The following RSPO4 variants were observed in gnomAD, a reference collection of about 807,000 sequenced individuals.
The protein encoded by RSPO4 is R-spondin-4.
In RSPO4, 23 loss-of-function variants were observed where a neutral mutation model predicts 24.8. That is an observed-to-expected ratio of 0.93 (90% CI 0.67 to 1.31). RSPO4 has a LOEUF of 1.31. Ranked by LOEUF, RSPO4 falls within the 40% of genes most tolerant of loss-of-function variation. The probability of loss-of-function intolerance (pLI) is 0.00; values close to 1 mark genes in which losing one functional copy is unlikely to be tolerated. For synonymous variants in RSPO4, 141 were observed against 127.4 expected (o/e 1.11, Z -0.72); for missense variants, 333 against 316.5 (o/e 1.05, Z -0.39).
intron 1 of RSPO4, among the ~76,000 whole-genome samples, chr20:999,765 C>T (rs943204466): frequency 4.6e-5 from 7 of 151,758 alleles, no homozygotes; most frequent in Non-Finnish European, 7.4e-5. Flanking sequence ...GTAGATGGGG[C>T]GGGGGGCAAA....
chr20:975,225 G>A (rs1024393816), intron 1 of RSPO4, among the ~76,000 whole-genome samples: 1 of 152,158 alleles, frequency 6.6e-6, no homozygotes, highest in African/African-American at 2.4e-5. Context: ...GTGCTCCAGG[G>A]GACACTGAGG....
rs1182811912 is a variant in RSPO4, at chr20:1,002,297, C to T, written c.-133G>A. 6.2e-6 allele frequency: 2 copies of T among 322,304 alleles called. No homozygotes were observed. Among genetic ancestry groups the T allele is most frequent in the African/African-American group, 2.2e-5 (1 of 44,980 alleles). 20.0% of individuals were successfully genotyped at this position (322,304 alleles called of 1,614,324 possible). A position where few individuals can be genotyped will look rare whatever the true frequency, so the allele number is the denominator to read the frequency against. ...GCGCATCCGCCAGGCGCGGGTCGGT[C>T]CGGCCGCCAGGTCTAGTGAGGGCGT... is the stretch of plus-strand genomic sequence containing the variant. On this transcript the variant is annotated 5_prime_UTR_variant, in exon 1 of 5. Coordinates refer to ENST00000217260, the MANE Select transcript of RSPO4 (RefSeq NM_001029871.4). This position sits in a 1 kb window ranked among gnomAD's most constrained non-coding sequence, Gnocchi z 4.6.
rs543729737 is a variant in RSPO4 at position 998,121 on chromosome 20, G to A, written c.79+3965C>T. Among the ~76,000 whole-genome samples the A allele has an allele frequency of 7.2e-5, 11 of 152,288 alleles. No individual in the cohort carries two copies. The East Asian group carries it at 2.1e-3, about 29-fold the overall frequency. ...GGCCTGCTTAATGTCACATATCTAGGGCAGGAGAGGGCTCAAGGTTTGATC... is the reference window on the plus strand; with the variant it reads ...GGCCTGCTTAATGTCACATATCTAGAGCAGGAGAGGGCTCAAGGTTTGATC... On this transcript the variant is annotated intron_variant, in intron 1 of 4. Transcript: ENST00000217260.
Position 959,996 on chromosome 20 carries a change from G to C in RSPO4, c.*361C>G, listed in dbSNP as rs910310931. ...CTGCAGGGGAGGGCACAGGCTCATG[G>C]TCCCTCTTAAAGTGTGTGTGAGAGG... On this transcript the variant is annotated 3_prime_UTR_variant, in exon 5 of 5. Transcript: ENST00000217260. 1.0e-5 allele frequency: 3 copies of C among 289,720 alleles called. No homozygotes were observed. The Admixed American group carries it at 1.5e-4, about 14-fold the overall frequency. The allele number at this position is 289,720 out of a possible 1,614,324, so 17.9% of individuals were successfully genotyped here.
chr20:964,076 G>C lies in RSPO4; in HGVS notation c.454C>G (p.His152Asp). Residue 152 changes from histidine (H) to aspartate (D), a missense_variant, in exon 4 of 5, where the codon CAC (histidine) becomes GAC (aspartate). Physicochemically the swap from His to Asp is moderately conservative, Grantham distance 81. Transcript: ENST00000217260. ...GPWGGWSPCT[H>D]NGKTCGSAWG... Reference sequence around the variant, plus strand: ...GCCGAGCCGCAGGTCTTTCCATTGTGTGTGCAGGGGCTCCAGCCGCCCCAG... The same window carrying C: ...GCCGAGCCGCAGGTCTTTCCATTGTCTGTGCAGGGGCTCCAGCCGCCCCAG... 1 of 1,613,774 alleles carries C rather than the reference G, an allele frequency of 6.2e-7. No individual in the cohort carries two copies. Among genetic ancestry groups the C allele is most frequent in the African/African-American group, 1.3e-5 (1 of 75,062 alleles).
chr20:990,574 CTT>C (rs1985068723), intron 1 of RSPO4, among the ~76,000 whole-genome samples: 1 of 150,662 alleles, frequency 6.6e-6, no homozygotes, highest in Non-Finnish European at 1.5e-5. Context: ...CTCTCTCTCT[CTT>C]TCCCTCTCTC....
Position 964,256 on chromosome 20 carries a change from A to G in RSPO4, c.410-136T>C. On this transcript the variant is annotated intron_variant, in intron 3 of 4. Transcript: ENST00000217260. ...GACACCACTTCCACCTGCTAGGAGC[A>G]GAGTTATTTATAAGAGCCTGGAATG... 3 of 663,834 alleles carry G rather than the reference A, an allele frequency of 4.5e-6. No individual in the cohort carries two copies. The South Asian group carries it at 5.8e-5, about 13-fold the overall frequency. The allele number at this position is 663,834 out of a possible 1,614,324, so 41.1% of individuals were successfully genotyped here.
chr20:977,335 T>C (rs1008192993), intron 1 of RSPO4, among the ~76,000 whole-genome samples: 1 of 152,136 alleles, frequency 6.6e-6, no homozygotes, highest in African/African-American at 2.4e-5. Context: ...GCCAGACTGG[T>C]TGGATTGAAA....
chr20:999,520 A>G (rs1985398195), intron 1 of RSPO4, among the ~76,000 whole-genome samples: 1 of 152,006 alleles, frequency 6.6e-6, no homozygotes, highest in African/African-American at 2.4e-5. Context: ...GAGAAAATCC[A>G]CTCACCCAAG....
rs1403468043 is a variant in RSPO4 at position 959,710 on chromosome 20, A to T, written c.*647T>A. 1 of 152,364 alleles carries T rather than the reference A, an allele frequency of 6.6e-6. No individual in the cohort carries two copies. The highest frequency in any genetic ancestry group is 1.9e-4 in the East Asian group (1 of 5,184). 9.4% of individuals were successfully genotyped at this position (152,364 alleles called of 1,614,324 possible). ...GAGGTGTCCAAGCCAGGCCTCTGGA[A>T]GCCCTGGAGCCTTGTCCAGCCAGCT... On this transcript the variant is annotated 3_prime_UTR_variant, in exon 5 of 5. Coordinates refer to ENST00000217260, the MANE Select transcript of RSPO4 (RefSeq NM_001029871.4).
At position 964,839 on chromosome 20, in the gene RSPO4, T is replaced by C. The variant is rs942694559; in HGVS notation, c.410-719A>G. On this transcript the variant is annotated intron_variant, in intron 3 of 4. Transcript: ENST00000217260. The stretch of plus-strand genomic sequence containing the variant: ...ACACACACACACACACACATATATA[T>C]ATATATATACTTTGATTATTTTAAA... Among the ~76,000 whole-genome samples, 303 of 145,544 alleles carry C rather than the reference T, an allele frequency of 2.1e-3. 2 individuals are homozygous for C. Among genetic ancestry groups the C allele is most frequent in the African/African-American group, 8.2e-3 (296 of 36,226 alleles).
chr20:959,221 T>G lies in RSPO4; in HGVS notation c.*1136A>C, dbSNP rs79127824. On this transcript the variant is annotated 3_prime_UTR_variant, in exon 5 of 5. Transcript: ENST00000217260. ...TGGGGGTGGGTGTCAGCGAGTGTGGTGGTGGGTGTGGACGAGTGCACGGAT... is the reference window on the plus strand; with the variant it reads ...TGGGGGTGGGTGTCAGCGAGTGTGGGGGTGGGTGTGGACGAGTGCACGGAT... 12,605 of 148,422 alleles carry G rather than the reference T, an allele frequency of 0.085. 714 individuals are homozygous for G. The highest frequency in any genetic ancestry group is 0.19 in the East Asian group (912 of 4,794). The allele number at this position is 148,422 out of a possible 1,614,324, so 9.2% of individuals were successfully genotyped here. A position where few individuals can be genotyped will look rare whatever the true frequency, so the allele number is the denominator to read the frequency against.
rs1287258998 is a variant in RSPO4 at position 981,396 on chromosome 20, A to G, written c.80-13258T>C. Among the ~76,000 whole-genome samples the G allele has an allele frequency of 6.6e-6, 1 of 152,160 alleles. No individual in the cohort carries two copies. The highest frequency in any genetic ancestry group is 2.4e-5 in the African/African-American group (1 of 41,436). ...AAAAATCAGCTGGGCGTGGTGGTGC[A>G]CACCTGTAATCCCAGCTACTCAGGT... is the stretch of plus-strand genomic sequence containing the variant. On this transcript the variant is annotated intron_variant, in intron 1 of 4. Transcript: ENST00000217260. The surrounding 1 kb of genome is among the most constrained non-coding windows in gnomAD (Gnocchi z 4.6).
chr20:961,357 A>G (rs2122204879), intron 4 of RSPO4, among the ~76,000 whole-genome samples: 1 of 152,306 alleles, frequency 6.6e-6, no homozygotes, highest in South Asian at 2.1e-4. Flanking sequence ...AGGCTCCATG[A>G]GTCACTTTCT....
At chr20:974,979 C>T (rs1227845525) in intron 1 of RSPO4, among the ~76,000 whole-genome samples, 2 of 152,206 alleles carry the variant, frequency 1.3e-5, no homozygotes, top group South Asian at 2.1e-4. Context: ...GCAACCAGAA[C>T]CTCACGGGCT....
chr20:991,344 A>T (rs1158598117), intron 1 of RSPO4, among the ~76,000 whole-genome samples: 1 of 152,038 alleles, frequency 6.6e-6, no homozygotes, highest in Non-Finnish European at 1.5e-5. Flanking sequence ...TCAAAAACCA[A>T]TGGATTTGAC....
At chr20:962,047 T>C (rs1984015876) in intron 4 of RSPO4, among the ~76,000 whole-genome samples, 1 of 152,070 alleles carries the variant, frequency 6.6e-6, no homozygotes, top group East Asian at 1.9e-4. Flanking sequence ...CATCCACTCA[T>C]CCAACAAATA....
chr20:976,524 G>A (rs980392876), intron 1 of RSPO4, among the ~76,000 whole-genome samples: 25 of 152,158 alleles, frequency 1.6e-4, no homozygotes, highest in African/African-American at 5.6e-4. Context: ...CAAGCACCTT[G>A]TTTCAACAGG....
chr20:1,001,981 G>C (rs1985480132), intron 1 of RSPO4, 105 bp downstream of exon 1: 1 of 904,078 alleles, frequency 1.1e-6, no homozygotes, highest in East Asian at 2.8e-5. Flanking sequence ...GACCCAGGGC[G>C]CCAGGCACCA....
Sources: allele counts gnomAD v4.1 joint callset (sites outside exome capture counted in the v4.1 genomes callset), GRCh38; gene constraint gnomAD v4.1.1; non-coding constraint Gnocchi (gnomAD v3.1); transcripts MANE v1.5; gene names NCBI Gene and HGNC (gene_info 2026-07-23, HGNC 2026-07-21).